The following RPS6KB2 variants were observed in gnomAD, a reference collection of about 807,000 sequenced individuals.
The protein encoded by RPS6KB2 is ribosomal protein S6 kinase beta-2.
In RPS6KB2, 51 loss-of-function variants were observed where a neutral mutation model predicts 58.2. The ratio of observed to expected loss-of-function variants is 0.88; its 90% CI spans 0.70 to 1.11. The LOEUF (loss-of-function observed/expected upper bound fraction) is 1.11. RPS6KB2 is among the 50% of genes least tolerant of loss of function. The pLI is 0.00. For missense variants in RPS6KB2, 671 were observed against 655.8 expected, an observed-to-expected ratio of 1.02 and a Z score of -0.25; for synonymous variants, 293 against 258.6, an observed-to-expected ratio of 1.13 and a Z score of -1.28.
chr11:67,428,851 C>T (rs944121283), intron 1 of RPS6KB2, 131 bp from the exon 2 acceptor site: 1 of 1,157,732 alleles, frequency 8.6e-7, no homozygotes, highest in Non-Finnish European at 1.3e-6. Flanking sequence ...GGTTTCTTCC[C>T]AATTCTTACC....
At chr11:67,434,853 G>A in intron 14 of RPS6KB2, 136 bp from the exon 15 acceptor site, 1 of 1,035,724 alleles carries the variant, frequency 9.7e-7, no homozygotes, top group Non-Finnish European at 1.4e-6. Context: ...TTGTGGCCAG[G>A]CTGCCTGGAT....
chr11:67,433,853 C>T (rs1864137773), intron 10 of RPS6KB2, 142 bp from the exon 11 acceptor site: 1 of 905,646 alleles, frequency 1.1e-6, no homozygotes, highest in Non-Finnish European at 1.8e-6. Flanking sequence ...ACCTTGAAAG[C>T]CCTGAGGGTA....
At chr11:67,429,380 A>C in intron 3 of RPS6KB2, 140 bp downstream of exon 3, 1 of 1,373,128 alleles carries the variant, frequency 7.3e-7, no homozygotes, top group Non-Finnish European at 1.0e-6. Flanking sequence ...GGGAAGGCCA[A>C]ATCCTCTCCA....
chr11:67,431,606 GAGTCTGTGGGGGTTGGCTAGGGGGCCCCC>G, intron 5 of RPS6KB2, 91 bp downstream of exon 5: 2 of 1,366,522 alleles, frequency 1.5e-6, no homozygotes, highest in Non-Finnish European at 2.0e-6. Context: ...CTTGAGAGAT[GAGTCTGTGGGGGTTGGCTAGGGGGCCCCC>G]ACTCTGTCCT....
At chr11:67,432,422 C>A in intron 5 of RPS6KB2, 178 bp from the exon 6 acceptor site, 1 of 730,554 alleles carries the variant, frequency 1.4e-6, no homozygotes, top group South Asian at 1.5e-5. Flanking sequence ...AGCACAGGGC[C>A]AGGCACCGAG....
At chr11:67,428,810 CT>C in intron 1 of RPS6KB2, 171 bp from the exon 2 acceptor site, 1 of 951,912 alleles carries the variant, frequency 1.1e-6, no homozygotes, top group Non-Finnish European at 1.7e-6. Context: ...GAACCCCAGC[CT>C]TTTCTCCCGA....
Position 67,429,104 on chromosome 11 carries a change from C to T in RPS6KB2, c.120-16C>T. ...AGCACTGGAGCCTTGTCCTCATTAA[C>T]TCCTTGTGTCCGTAGGCCTGTGGGA... On this transcript the variant is annotated splice_polypyrimidine_tract_variant and intron_variant, in intron 2 of 14. Coordinates refer to ENST00000312629, the MANE Select transcript of RPS6KB2 (RefSeq NM_003952.3). 1.9e-6 allele frequency: 3 copies of T among 1,613,914 alleles called. No individual in the cohort carries two copies. Among genetic ancestry groups the T allele is most frequent in the Middle Eastern group, 1.6e-4 (1 of 6,062 alleles).
rs908646555 is a variant in RPS6KB2 at position 67,428,849 on chromosome 11, C to T, written c.79-133C>T. 2.7e-5 allele frequency: 31 copies of T among 1,144,976 alleles called. No homozygotes were observed. The East Asian group carries it at 7.5e-4, about 28-fold the overall frequency. The allele number at this position is 1,144,976 out of a possible 1,614,324, so 70.9% of individuals were successfully genotyped here. Reference sequence around the variant, plus strand: ...CTCCCTTTCCTGCCTTCGGTTTCTTCCCAATTCTTACCCATCCCCTACTAG... The same window carrying T: ...CTCCCTTTCCTGCCTTCGGTTTCTTTCCAATTCTTACCCATCCCCTACTAG... On this transcript the variant is annotated intron_variant, in intron 1 of 14. Transcript: ENST00000312629.
intron 5 of RPS6KB2, 48 bp downstream of exon 5, chr11:67,431,563 GC>G (rs1343432528): frequency 6.3e-7 from 1 of 1,590,388 alleles, no homozygotes; most frequent in Admixed American, 1.7e-5. Flanking sequence ...CGGGGGGGCA[GC>G]GAGCCAGCAA....
chr11:67,434,419 C>T lies in RPS6KB2; in HGVS notation c.1090C>T (p.Arg364Trp), dbSNP rs375350949. ...GAGCCAGTTTGATACCCGCTTCACA[C>T]GGCAGACGCCGGTGGACAGTCCTGA... is the stretch of plus-strand genomic sequence containing the variant. ...DVSQFDTRFT[R>W]QTPVDSPDDT... Residue 364 changes from arginine to tryptophan, a missense_variant, in exon 13 of 15, where the codon CGG (arginine) becomes TGG (tryptophan). Physicochemically the swap from Arg to Trp is moderately radical, Grantham distance 101 (BLOSUM62 -3). Coordinates refer to ENST00000312629, the MANE Select transcript of RPS6KB2 (RefSeq NM_003952.3). The T allele has an allele frequency of 1.7e-4, 267 of 1,613,088 alleles. 1 individual carries two copies. The highest frequency in any genetic ancestry group is 2.2e-4 in the South Asian group (20 of 91,092).
Position 67,432,597 on chromosome 11 carries a change from C to T in RPS6KB2, c.458-3C>T, listed in dbSNP as rs1246515934. On this transcript the variant is annotated splice_region_variant and splice_polypyrimidine_tract_variant and intron_variant, in intron 5 of 14. Coordinates refer to ENST00000312629, the MANE Select transcript of RPS6KB2 (RefSeq NM_003952.3). ...CGTGGCTGCTGACGTGTTTGTGTGG[C>T]AGGTGGCGAGCTCTTCACGCATCTG... 6.2e-7 allele frequency: 1 copy of T among 1,614,154 alleles called. No homozygotes were observed. The highest frequency in any genetic ancestry group is 1.1e-5 in the South Asian group (1 of 91,080).
chr11:67,433,228 C>G lies in RPS6KB2; in HGVS notation c.798+12C>G, dbSNP rs373372351. The stretch of plus-strand genomic sequence containing the variant: ...TGCTCACTGGATCGGCAAGTCCAGC[C>G]CCCGGGGAGGAGGAGGGGCAGGGGC... On this transcript the variant is annotated intron_variant, in intron 9 of 14. Coordinates refer to ENST00000312629, the MANE Select transcript of RPS6KB2 (RefSeq NM_003952.3). The G allele has an allele frequency of 3.1e-6, 5 of 1,607,114 alleles. No individual in the cohort carries two copies.
intron 9 of RPS6KB2, 44 bp downstream of exon 9, chr11:67,433,260 G>T: frequency 1.2e-6 from 2 of 1,605,354 alleles, no homozygotes; most frequent in Non-Finnish European, 1.7e-6. Flanking sequence ...GGGCAGAGGT[G>T]GGAGTAGCCC....
intron 4 of RPS6KB2, 118 bp downstream of exon 4, chr11:67,429,713 C>T: frequency 1.2e-6 from 1 of 817,394 alleles, no homozygotes; most frequent in Non-Finnish European, 2.0e-6. Context: ...TTGGCGTTTG[C>T]TGGTTTATTG....
At chr11:67,432,542 CAGAA>C in intron 5 of RPS6KB2, 54 bp from the exon 6 acceptor site, 2 of 1,585,798 alleles carry the variant, frequency 1.3e-6, no homozygotes, top group Non-Finnish European at 1.7e-6. Flanking sequence ...AATAAAGACT[CAGAA>C]AGCACAAAGG....
intron 5 of RPS6KB2, 158 bp from the exon 6 acceptor site, chr11:67,432,442 G>A: frequency 1.3e-6 from 1 of 792,696 alleles, no homozygotes; most frequent in East Asian, 2.6e-5. Flanking sequence ...GTAGGCGTCG[G>A]TAGATGTTTG....
rs185889430 is a variant in RPS6KB2, at chr11:67,431,381, G to T, written c.323G>T (p.Arg108Leu). 13 of 1,613,748 alleles carry T rather than the reference G, an allele frequency of 8.1e-6. No individual in the cohort carries two copies. In the South Asian group the frequency reaches 1.3e-4, roughly 16 times the overall value. ...MKVLRKAKIV[R>L]NAKDTAHTRA... ...CTGTATCTCCAGGCCAAAATTGTGC[G>T]CAATGCCAAGGACACAGCACACACA... The change falls in exon 5 of 15, where the codon CGC becomes CTC. Residue 108 changes from arginine (R) to leucine (L), a missense_variant. Arg to Leu is a moderately radical substitution (Grantham distance 102). Coordinates refer to ENST00000312629, the MANE Select transcript of RPS6KB2 (RefSeq NM_003952.3).
In RPS6KB2 at chr11:67,433,281, G is replaced by T; in HGVS notation, c.799-59G>T. 1.9e-6 allele frequency: 3 copies of T among 1,605,596 alleles called. No homozygotes were observed. The South Asian group carries it at 3.3e-5, about 18-fold the overall frequency. The stretch of plus-strand genomic sequence containing the variant: ...AGGTGGGAGTAGCCCCCCTCCTGGG[G>T]CAAGGGCAGGGCCTGGTGGGAGGCC... On this transcript the variant is annotated intron_variant, in intron 9 of 14. Transcript: ENST00000312629.
chr11:67,434,484 G>C lies in RPS6KB2; in HGVS notation c.1155G>C (p.Leu385=), dbSNP rs1042817363. Residue 385 remains leucine (L), a splice_region_variant and synonymous_variant, in exon 13 of 15, where the codon CTG becomes CTC. Coordinates refer to ENST00000312629, the MANE Select transcript of RPS6KB2 (RefSeq NM_003952.3). The part of the protein sequence containing the change: ...ALSESANQAF[L]GFTYVAPSVL... ...GCGAGAGTGCCAACCAGGCCTTCCT[G>C]GTGAGTGCGGGGGCCTGAGGCCTGT... 1.2e-6 allele frequency: 2 copies of C among 1,610,450 alleles called. No individual in the cohort carries two copies. The highest frequency in any genetic ancestry group is 1.7e-6 in the Non-Finnish European group (2 of 1,178,752).
Sources: allele counts gnomAD v4.1 joint callset, GRCh38; gene constraint gnomAD v4.1.1; transcripts MANE v1.5; gene names NCBI Gene and HGNC (gene_info 2026-07-23, HGNC 2026-07-21).